The following ZNF132 variants were observed in gnomAD, a reference collection of about 807,000 sequenced individuals.
ZNF132 encodes the protein zinc finger protein 132.
Under a neutral mutation model 9.3 loss-of-function variants are expected in ZNF132, and 6 were observed. The ratio of observed to expected loss-of-function variants is 0.65; its 90% CI spans 0.35 to 1.28. The LOEUF (loss-of-function observed/expected upper bound fraction) is 1.28, where lower values mean the gene tolerates loss of function less well. Among genes scored for constraint, ZNF132 ranks in the 50% most tolerant of loss-of-function variants. The probability of loss-of-function intolerance (pLI) is 0.03; values close to 1 mark genes in which losing one functional copy is unlikely to be tolerated. For missense variants in ZNF132, 877 were observed against 843.2 expected (o/e 1.04, Z -0.50); for synonymous variants, 296 against 292.0 (o/e 1.01, Z -0.14).
intron 1 of ZNF132, chr19:58,437,778 A>G: frequency 1.0e-6 from 1 of 985,306 alleles, no homozygotes; most frequent in Non-Finnish European, 1.2e-6. Context: ...ACAGAGCTCC[A>G]AAAACCCCAC....
chr19:58,434,970 G>C lies in ZNF132; in HGVS notation c.474C>G (p.His158Gln). 1.2e-6 allele frequency: 2 copies of C among 1,614,188 alleles called. No homozygotes were observed. Among genetic ancestry groups the C allele is most frequent in the African/African-American group, 2.7e-5 (2 of 75,052 alleles). Residue 158 changes from histidine to glutamine, a missense_variant, in exon 3 of 3, where the codon CAC becomes CAG. Coordinates refer to ENST00000254166, the MANE Select transcript of ZNF132 (RefSeq NM_003433.4). ...GRDFWLNANL[H>Q]QHQKEHSGGK... is the part of the protein sequence containing the mutation. ...CTCCACTGTGCTCCTTCTGGTGCTG[G>C]TGAAGGTTTGCATTCAACCAAAAGT...
intron 1 of ZNF132, among the ~76,000 whole-genome samples, chr19:58,438,522 G>A (rs1791571869): frequency 7.1e-6 from 1 of 140,160 alleles, no homozygotes; most frequent in African/African-American, 2.8e-5. Flanking sequence ...CACCCAGGTT[G>A]GAGTGCAGTG....
rs1198681329 is a variant in ZNF132 at position 58,440,152 on chromosome 19, A to G, written c.-331T>C. 1.4e-5 allele frequency: 5 copies of G among 367,088 alleles called. No individual in the cohort carries two copies. The highest frequency in any genetic ancestry group is 2.5e-5 in the Non-Finnish European group (5 of 201,952). The allele number at this position is 367,088 out of a possible 1,614,324, so 22.7% of individuals were successfully genotyped here. On this transcript the variant is annotated 5_prime_UTR_variant, in exon 1 of 3. Coordinates refer to ENST00000254166, the MANE Select transcript of ZNF132 (RefSeq NM_003433.4). ...CACCAGCAGCAAAATGAGGACCGCAATGGCGGCGCCGGAAGTCCCGCCTCT... is the reference window on the plus strand; with the variant it reads ...CACCAGCAGCAAAATGAGGACCGCAGTGGCGGCGCCGGAAGTCCCGCCTCT...
In ZNF132 at chr19:58,433,481, AG is replaced by A; in HGVS notation, c.1962del (p.Tyr655MetfsTer87). The A allele has an allele frequency of 6.2e-7, 1 of 1,614,146 alleles. No individual in the cohort carries two copies. Among genetic ancestry groups the A allele is most frequent in the Non-Finnish European group, 8.5e-7 (1 of 1,180,022 alleles). ...GCTTTTCCACACTGGATGCACTCAT[AG>A]GGCCTTTCTTGTGTGTGAACTCTCT... ...RHQRVHTQER[P>X]YECIQCGKAF... On this transcript the variant is annotated frameshift_variant, in exon 3 of 3. Transcript: ENST00000254166. LOFTEE classifies it low-confidence loss of function (END_TRUNC).
rs759373550 is a variant in ZNF132, at chr19:58,433,550, AT to A, written c.1893del (p.Glu631AspfsTer111). 6.2e-7 allele frequency: 1 copy of A among 1,614,210 alleles called. No individual in the cohort carries two copies. ...GAGTTACTGCTAAAGGCTCTCCCACATTCACTGCATTCGTAAGGCCTTTCTC... is the reference window on the plus strand; with the variant it reads ...GAGTTACTGCTAAAGGCTCTCCCACATCACTGCATTCGTAAGGCCTTTCTC... ...HTGERPYECS[E>X]CGRAFSSNSH... On this transcript the variant is annotated frameshift_variant, in exon 3 of 3. Transcript: ENST00000254166. LOFTEE classifies it low-confidence loss of function (END_TRUNC).
At chr19:58,435,248 A>T in intron 2 of ZNF132, 37 bp from the exon 3 acceptor site, 1 of 1,580,432 alleles carries the variant, frequency 6.3e-7, no homozygotes, top group African/African-American at 1.4e-5. Context: ...TAAGAATTCC[A>T]CTTGGTGGGA....
At chr19:58,438,182 G>T (rs1467135829) in intron 1 of ZNF132, among the ~76,000 whole-genome samples, 1 of 152,132 alleles carries the variant, frequency 6.6e-6, no homozygotes, top group Non-Finnish European at 1.5e-5. Flanking sequence ...TACTTTTGCC[G>T]CTATGCTTCA....
At chr19:58,436,482 T>G (rs2052773247) in intron 2 of ZNF132, among the ~76,000 whole-genome samples, 1 of 151,788 alleles carries the variant, frequency 6.6e-6, no homozygotes. Flanking sequence ...CTGGCTAACA[T>G]GGTGAAACCC....
rs777356204 is a variant in ZNF132, at chr19:58,437,197, C to T, written c.82G>A (p.Gly28Ser). Residue 28 changes from glycine to serine, a missense_variant, in exon 2 of 3, where the codon GGC becomes AGC. Coordinates refer to ENST00000254166, the MANE Select transcript of ZNF132 (RefSeq NM_003433.4). ...CTCTTCAATGTGGGGACAGCTGAGC[C>T]ACAGGGCCAAGAAGTATGCTGACAA... ...GPAQHTSWPC[G>S]SAVPTLKSMV... 6.8e-6 allele frequency: 11 copies of T among 1,606,522 alleles called. No individual in the cohort carries two copies. The highest frequency in any genetic ancestry group is 9.3e-6 in the Non-Finnish European group (11 of 1,176,650).
intron 2 of ZNF132, 139 bp from the exon 3 acceptor site, chr19:58,435,350 G>T: frequency 1.1e-6 from 1 of 934,584 alleles, no homozygotes; most frequent in Non-Finnish European, 1.6e-6. Flanking sequence ...CATCATCAGG[G>T]TGAAGAAGGG....
chr19:58,437,074 C>T lies in ZNF132; in HGVS notation c.205G>A (p.Glu69Lys), dbSNP rs1332624519. The change falls in exon 2 of 3, where the codon GAA (glutamate) becomes AAA (lysine). Residue 69 changes from glutamate (E) to lysine (K), a missense_variant. Physicochemically the swap from Glu to Lys is moderately conservative, Grantham distance 56. Transcript: ENST00000254166. ...AGTGAGGTCACAAGCTCAAGGTTTT[C>T]CAGCATCACACTGTGGTACAGGTGC... ...QRHLYHSVML[E>K]NLELVTSLGS... 6.2e-7 allele frequency: 1 copy of T among 1,614,142 alleles called. No individual in the cohort carries two copies. Among genetic ancestry groups the T allele is most frequent in the East Asian group, 2.2e-5 (1 of 44,884 alleles).
intron 2 of ZNF132, chr19:58,436,297 CAT>C (rs913435105): frequency 6.5e-5 from 10 of 154,048 alleles, no homozygotes; most frequent in African/African-American, 2.2e-4. Context: ...CATGTGAAAA[CAT>C]ATAGAAATCA....
At chr19:58,435,395 C>T (rs2052767921) in intron 2 of ZNF132, 184 bp from the exon 3 acceptor site, 1 of 667,744 alleles carries the variant, frequency 1.5e-6, no homozygotes, top group Non-Finnish European at 2.5e-6. Context: ...ACCAGCCAAG[C>T]AACAGAATAA....
chr19:58,435,722 A>G (rs112637525), intron 2 of ZNF132: 2,321 of 156,748 alleles, frequency 0.015, 59 homozygotes, highest in African/African-American at 0.053. Flanking sequence ...AGAGCTACAC[A>G]AGAGAACTAA....
rs2052795125 is a variant in ZNF132 at position 58,440,142 on chromosome 19, G to A, written c.-321C>T. On this transcript the variant is annotated 5_prime_UTR_variant, in exon 1 of 3. Coordinates refer to ENST00000254166, the MANE Select transcript of ZNF132 (RefSeq NM_003433.4). ...TAGCCCAACCCACCAGCAGCAAAATGAGGACCGCAATGGCGGCGCCGGAAG... is the reference window on the plus strand; with the variant it reads ...TAGCCCAACCCACCAGCAGCAAAATAAGGACCGCAATGGCGGCGCCGGAAG... The A allele has an allele frequency of 2.5e-6, 1 of 395,338 alleles. No individual in the cohort carries two copies. The highest frequency in any genetic ancestry group is 2.2e-5 in the African/African-American group (1 of 46,376). The allele number at this position is 395,338 out of a possible 1,614,324, so 24.5% of individuals were successfully genotyped here.
Position 58,433,737 on chromosome 19 carries a change from CCTTT to C in ZNF132, c.1703_1706del (p.Glu568GlyfsTer173). 1.2e-6 allele frequency: 2 copies of C among 1,613,986 alleles called. No individual in the cohort carries two copies. The highest frequency in any genetic ancestry group is 1.7e-6 in the Non-Finnish European group (2 of 1,179,910). On this transcript the variant is annotated frameshift_variant, in exon 3 of 3. Transcript: ENST00000254166. LOFTEE classifies it low-confidence loss of function (END_TRUNC). ...TCCCACATTCATTGCACTCATAAGG[CCTTT>C]CTTTTGTGTGAACTCTCCAGTGTTC... is the stretch of plus-strand genomic sequence containing the variant.
At position 58,433,411 on chromosome 19, in the gene ZNF132, G is replaced by A. The variant is rs78565560; in HGVS notation, c.2033C>T (p.Thr678Ile). ...STLVRHQKVHTRERTYECSQC... is the reference protein window; with the variant it reads ...STLVRHQKVHIRERTYECSQC... Reference sequence around the variant, plus strand: ...GCTACACTCATAAGTCCTTTCTCTGGTGTGAACTTTCTGGTGCCGAACAAG... The same window carrying A: ...GCTACACTCATAAGTCCTTTCTCTGATGTGAACTTTCTGGTGCCGAACAAG... Residue 678 changes from threonine to isoleucine, a missense_variant, in exon 3 of 3, where the codon ACC (threonine) becomes ATC (isoleucine). Thr to Ile is a moderately conservative substitution (Grantham distance 89). Transcript: ENST00000254166. 1.9e-6 allele frequency: 3 copies of A among 1,614,136 alleles called. No homozygotes were observed. The highest frequency in any genetic ancestry group is 3.3e-5 in the Admixed American group (2 of 60,018).
chr19:58,433,508 G>A lies in ZNF132; in HGVS notation c.1936C>T (p.Gln646Ter). 1 of 1,613,944 alleles carries A rather than the reference G, an allele frequency of 6.2e-7. No homozygotes were observed. The change falls in exon 3 of 3, where the codon CAG becomes TAG. Residue 646 changes from glutamine to a stop codon, truncating the protein, a stop_gained. Transcript: ENST00000254166. LOFTEE classifies it low-confidence loss of function (END_TRUNC). Reference protein sequence around the residue: ...FSSNSHLVRHQRVHTQERPYE... With the variant: ...FSSNSHLVRH ...GGCCTTTCTTGTGTGTGAACTCTCT[G>A]ATGACGAACCAGGTGGGAGTTACTG...
intron 1 of ZNF132, chr19:58,437,657 A>G (rs185092500): frequency 1.0e-4 from 99 of 957,746 alleles, no homozygotes; most frequent in Middle Eastern, 1.1e-3. Flanking sequence ...TACAGTTCTT[A>G]TATTTCCAAC....
Sources: allele counts gnomAD v4.1 joint callset (sites outside exome capture counted in the v4.1 genomes callset), GRCh38; gene constraint gnomAD v4.1.1; transcripts MANE v1.5; gene names NCBI Gene and HGNC (gene_info 2026-07-23, HGNC 2026-07-21).